Variants in NCKAP5 observed in about 807,000 individuals in gnomAD.
NCKAP5 encodes the protein NCK associated protein 5, also known as nck-associated protein 5.
In NCKAP5, 92 loss-of-function variants were observed where a neutral mutation model predicts 167.0. That is an observed-to-expected ratio of 0.55 (90% CI 0.47 to 0.66). NCKAP5 has a LOEUF of 0.66. NCKAP5 is among the 30% of genes least tolerant of loss of function. The probability of loss-of-function intolerance (pLI) is 0.00; values close to 1 mark genes in which losing one functional copy is unlikely to be tolerated. For synonymous variants in NCKAP5, 891 were observed against 877.4 expected, an observed-to-expected ratio of 1.02 and a Z score of -0.27; for missense variants, 2,378 against 2,315.0, an observed-to-expected ratio of 1.03 and a Z score of -0.56.
chr2:133,187,484 G>C (rs1425382593), intron 5 of NCKAP5, among the ~76,000 whole-genome samples: 1 of 152,056 alleles, frequency 6.6e-6, no homozygotes, highest in East Asian at 1.9e-4. Context: ...GAACCCAGGA[G>C]TTTGAGACCC....
At chr2:133,066,482 A>G (rs1337483234) in intron 6 of NCKAP5, among the ~76,000 whole-genome samples, 2 of 152,202 alleles carry the variant, frequency 1.3e-5, no homozygotes, top group Admixed American at 6.5e-5. Context: ...TAGAGAAATT[A>G]TATGTGTTTC....
the NCKAP5 span, among the ~76,000 whole-genome samples, chr2:133,657,302 G>A: frequency 6.6e-6 from 1 of 152,200 alleles, no homozygotes; most frequent in Non-Finnish European, 1.5e-5. Context: ...GCTGGTCAAG[G>A]CTTCCACATG....
intron 6 of NCKAP5, among the ~76,000 whole-genome samples, chr2:133,069,567 G>C (rs1004681591): frequency 3.9e-5 from 6 of 152,130 alleles, no homozygotes; most frequent in African/African-American, 1.4e-4. Context: ...CCCCAGTATA[G>C]ACAGATGCTG....
At chr2:132,952,714 G>A (rs575981846) in intron 8 of NCKAP5, among the ~76,000 whole-genome samples, 6 of 152,276 alleles carry the variant, frequency 3.9e-5, no homozygotes, top group African/African-American at 1.2e-4. Flanking sequence ...ACAAGAAAAC[G>A]AGCACTGATC....
intron 4 of NCKAP5, among the ~76,000 whole-genome samples, chr2:133,295,494 C>G (rs567781501): frequency 5.5e-4 from 84 of 152,278 alleles, no homozygotes; most frequent in African/African-American, 1.9e-3. Context: ...GGAGTACCCT[C>G]ATTTTTCTTA....
intron 3 of NCKAP5, among the ~76,000 whole-genome samples, chr2:133,384,537 G>C (rs901120820): frequency 6.6e-6 from 1 of 152,238 alleles, no homozygotes; most frequent in African/African-American, 2.4e-5. Context: ...TTGGCAATGC[G>C]GGCTCTTTTT....
intron 5 of NCKAP5, among the ~76,000 whole-genome samples, chr2:133,202,392 T>C (rs139787878): frequency 0.027 from 4,165 of 152,248 alleles, 190 homozygotes; most frequent in African/African-American, 0.095. Context: ...TAATTCAAAA[T>C]GGATTAAAGA....
At chr2:133,172,170 C>T (rs773564520) in intron 5 of NCKAP5, among the ~76,000 whole-genome samples, 2 of 152,176 alleles carry the variant, frequency 1.3e-5, no homozygotes, top group Non-Finnish European at 2.9e-5. Flanking sequence ...AATATCTATA[C>T]TTAAATAAAT....
At chr2:133,466,071 T>C (rs1213974439) in intron 3 of NCKAP5, among the ~76,000 whole-genome samples, 1 of 149,818 alleles carries the variant, frequency 6.7e-6, no homozygotes, top group Non-Finnish European at 1.5e-5. Flanking sequence ...GTTTTAGACA[T>C]GAAGTCCTTG....
At chr2:132,992,672 G>A (rs2077481875) in intron 7 of NCKAP5, among the ~76,000 whole-genome samples, 1 of 152,138 alleles carries the variant, frequency 6.6e-6, no homozygotes, top group South Asian at 2.1e-4. Flanking sequence ...AGAGCTAGGA[G>A]GACTAAAATT....
the NCKAP5 span, among the ~76,000 whole-genome samples, chr2:133,592,368 C>T: frequency 6.6e-6 from 1 of 152,192 alleles, no homozygotes; most frequent in Non-Finnish European, 1.5e-5. Flanking sequence ...CACCTAATGC[C>T]AGATAAGACT....
At chr2:132,967,424 T>TA (rs2076705999) in intron 7 of NCKAP5, among the ~76,000 whole-genome samples, 1 of 152,158 alleles carries the variant, frequency 6.6e-6, no homozygotes, top group Admixed American at 6.5e-5. Context: ...TGATACAACT[T>TA]AAATAGTTAG....
At chr2:132,920,767 GTA>G (rs1291538755) in intron 8 of NCKAP5, among the ~76,000 whole-genome samples, 360 of 31,248 alleles carry the variant, frequency 0.012, 27 homozygotes, top group East Asian at 0.032. Flanking sequence ...GTATATATAT[GTA>G]TGTATATATA....
intron 8 of NCKAP5, among the ~76,000 whole-genome samples, chr2:132,936,196 G>A (rs1054388647): frequency 6.6e-6 from 1 of 151,986 alleles, no homozygotes; most frequent in Non-Finnish European, 1.5e-5. Context: ...TGGCCAGGCT[G>A]GTCAGGAACT....
In NCKAP5 at chr2:133,429,715, T is replaced by C. The variant is rs141335947; in HGVS notation, c.69+87743A>G. ...CACATTTTATTTACCCAATCCACCGTTGATGGGCACCTAGGTTGATTCCAT... is the reference window on the plus strand; with the variant it reads ...CACATTTTATTTACCCAATCCACCGCTGATGGGCACCTAGGTTGATTCCAT... On this transcript the variant is annotated intron_variant, in intron 3 of 19. Coordinates refer to ENST00000409261, the MANE Select transcript of NCKAP5 (RefSeq NM_207363.3). Among the ~76,000 whole-genome samples the C allele has an allele frequency of 3.9e-5, 6 of 152,292 alleles. No homozygotes were observed. The East Asian group carries it at 5.8e-4, about 15-fold the overall frequency.
At chr2:133,300,348 T>A (rs1332764440) in intron 4 of NCKAP5, among the ~76,000 whole-genome samples, 1 of 133,562 alleles carries the variant, frequency 7.5e-6, no homozygotes, top group Admixed American at 7.1e-5. Flanking sequence ...TAGACGAATA[T>A]CCTTGATGAA....
intron 11 of NCKAP5, among the ~76,000 whole-genome samples, chr2:132,859,937 T>A (rs116136638): frequency 6.6e-6 from 1 of 152,022 alleles, no homozygotes; most frequent in Non-Finnish European, 1.5e-5. Flanking sequence ...CAGCTTTCCA[T>A]GTTATGAAGG....
chr2:133,282,952 C>T (rs965915282), intron 4 of NCKAP5, among the ~76,000 whole-genome samples: 3 of 152,110 alleles, frequency 2.0e-5, no homozygotes, highest in Non-Finnish European at 4.4e-5. Flanking sequence ...CTGTTGGACA[C>T]CAAGGAGATG....
chr2:133,112,467 C>T (rs1168295709), intron 6 of NCKAP5, among the ~76,000 whole-genome samples: 1 of 142,532 alleles, frequency 7.0e-6, no homozygotes, highest in Non-Finnish European at 1.5e-5. Context: ...GAGTAAGACT[C>T]CGTCTTAAAA....
Sources: allele counts gnomAD v4.1 joint callset (sites outside exome capture counted in the v4.1 genomes callset), GRCh38; gene constraint gnomAD v4.1.1; transcripts MANE v1.5; gene names NCBI Gene and HGNC (gene_info 2026-07-23, HGNC 2026-07-21).